The following KNG1 variants were observed in gnomAD, a reference collection of about 807,000 sequenced individuals.
KNG1 encodes the protein kininogen-1.
Under a neutral mutation model 47.8 loss-of-function variants are expected in KNG1, and 23 were observed. The observed-to-expected ratio is 0.48, with a 90% CI of 0.35 to 0.68. The LOEUF (loss-of-function observed/expected upper bound fraction) is 0.68, where lower values mean the gene tolerates loss of function less well. KNG1 is among the 30% of genes least tolerant of loss of function. The pLI is 0.01. For missense variants in KNG1, 762 were observed against 790.2 expected (o/e 0.96, Z 0.43); for synonymous variants, 277 against 277.0 (o/e 1.00, Z 0.00).
At chr3:186,733,761 G>C (rs1289581419) in intron 7 of KNG1, among the ~76,000 whole-genome samples, 2 of 152,140 alleles carry the variant, frequency 1.3e-5, no homozygotes, top group African/African-American at 4.8e-5. Flanking sequence ...CTGAGGTCAG[G>C]AGTTCGAGAC....
In KNG1 at chr3:186,741,911, A is replaced by C. The variant is rs1720824163; in HGVS notation, c.1515A>C (p.Lys505Asn). The change falls in exon 10 of 10, where the codon AAA becomes AAC. Residue 505 changes from lysine to asparagine, a missense_variant. Coordinates refer to ENST00000644859, the MANE Select transcript of KNG1 (RefSeq NM_001102416.3). ...ATAAGCATGGTCATGGCCACGGAAA[A>C]CATAAAAATAAAGGCAAAAAGAATG... ...HKHKHGHGHG[K>N]HKNKGKKNGK... is the part of the protein sequence containing the mutation. 6.2e-7 allele frequency: 1 copy of C among 1,614,074 alleles called. No individual in the cohort carries two copies. Among genetic ancestry groups the C allele is most frequent in the Non-Finnish European group, 8.5e-7 (1 of 1,180,042 alleles).
Position 186,741,718 on chromosome 3 carries a change from T to C in KNG1, c.1322T>C (p.Leu441Pro). The change falls in exon 10 of 10, where the codon CTT becomes CCT. Residue 441 changes from leucine to proline, a missense_variant. Transcript: ENST00000644859. ...CATGAAAAACAAAGAAAACATAATC[T>C]TGGCCATGGCCATAAACATGAACGT... is the stretch of plus-strand genomic sequence containing the variant. ...WGHEKQRKHN[L>P]GHGHKHERDQ... 2.5e-6 allele frequency: 4 copies of C among 1,614,154 alleles called. No individual in the cohort carries two copies. Among genetic ancestry groups the C allele is most frequent in the Non-Finnish European group, 3.4e-6 (4 of 1,180,000 alleles).
rs1720158134 is a variant in KNG1, at chr3:186,720,464, C to T, written c.306+249C>T. ...AGGGGGCTCTAGTGTCCAGCCAGAA[C>T]ATGTGGCTCAGACTCCAGAGAGATA... is the stretch of plus-strand genomic sequence containing the variant. On this transcript the variant is annotated intron_variant, in intron 2 of 9. Transcript: ENST00000644859. 1.9e-5 allele frequency: 9 copies of T among 484,584 alleles called. No individual in the cohort carries two copies. The South Asian group carries it at 2.0e-4, about 11-fold the overall frequency. The allele number at this position is 484,584 out of a possible 1,614,324, so 30.0% of individuals were successfully genotyped here. A position where few individuals can be genotyped will look rare whatever the true frequency, so the allele number is the denominator to read the frequency against.
At chr3:186,734,904 C>T (rs1265378551) in intron 7 of KNG1, 1 of 152,104 alleles carries the variant, frequency 6.6e-6, no homozygotes, top group Non-Finnish European at 1.5e-5. Context: ...AATAACACTA[C>T]TTTAATCTTT....
intron 5 of KNG1, among the ~76,000 whole-genome samples, chr3:186,730,499 C>T (rs955084773): frequency 6.6e-6 from 1 of 150,498 alleles, no homozygotes; most frequent in Non-Finnish European, 1.5e-5. Context: ...ACTAAAAATA[C>T]AAAAAAATTA....
Position 186,720,185 on chromosome 3 carries a change from G to A in KNG1, c.276G>A (p.Gln92=). ...DCPVQSGKTW[Q]DCEYKDAAKA... is the part of the protein sequence containing the mutation. ...CTGTTCAAAGTGGCAAAACCTGGCA[G>A]GACTGTGAGTACAAGGATGCTGCAA... Residue 92 remains glutamine, a synonymous_variant, in exon 2 of 10, where the codon CAG becomes CAA. Coordinates refer to ENST00000644859, the MANE Select transcript of KNG1 (RefSeq NM_001102416.3). The A allele has an allele frequency of 6.2e-7, 1 of 1,612,894 alleles. No homozygotes were observed. The highest frequency in any genetic ancestry group is 8.5e-7 in the Non-Finnish European group (1 of 1,178,938).
intron 9 of KNG1, among the ~76,000 whole-genome samples, 171 bp downstream of exon 9, chr3:186,739,585 G>A (rs748658281): frequency 1.9e-4 from 29 of 152,210 alleles, no homozygotes; most frequent in Non-Finnish European, 3.7e-4. Context: ...AGAAAGAAGA[G>A]TAACAATCCT....
chr3:186,737,078 T>A (rs1342137835), intron 7 of KNG1, among the ~76,000 whole-genome samples: 1 of 152,168 alleles, frequency 6.6e-6, no homozygotes, highest in Non-Finnish European at 1.5e-5. Context: ...GTTGAGGATC[T>A]TAATTTGAAT....
intron 7 of KNG1, among the ~76,000 whole-genome samples, chr3:186,735,444 A>G (rs1301575602): frequency 6.6e-6 from 1 of 151,826 alleles, no homozygotes; most frequent in African/African-American, 2.4e-5. Context: ...ATGGTGAAAA[A>G]CCATCTCTAC....
chr3:186,730,670 AAAAAAAAAAAAAAATATATATATATATAT>A (rs1560065827), intron 5 of KNG1, among the ~76,000 whole-genome samples: 31 of 68,282 alleles, frequency 4.5e-4, no homozygotes, highest in Middle Eastern at 0.01. Context: ...AAAAAAAAAA[AAAAAAAAAAAAAAATATATATATATATAT>A]ATATATATAT....
chr3:186,739,531 G>T, intron 9 of KNG1, 117 bp downstream of exon 9: 1 of 749,656 alleles, frequency 1.3e-6, no homozygotes, highest in South Asian at 1.5e-5. Context: ...TTTTTAAATG[G>T]GGAGTAACTC....
At chr3:186,723,770 T>C (rs1720272382) in intron 3 of KNG1, among the ~76,000 whole-genome samples, 1 of 151,990 alleles carries the variant, frequency 6.6e-6, no homozygotes, top group Non-Finnish European at 1.5e-5. Flanking sequence ...AGCCTCAGCC[T>C]CAGCCTCCTG....
rs1302266008 is a variant in KNG1 at position 186,743,851 on chromosome 3, A to T, written c.*1520A>T. ...CACCTCTGCCAGCAACCTTGAGAGG[A>T]AGGACAAGAAGAAAGATGGGATAGA... is the stretch of plus-strand genomic sequence containing the variant. On this transcript the variant is annotated 3_prime_UTR_variant, in exon 10 of 10. Coordinates refer to ENST00000644859, the MANE Select transcript of KNG1 (RefSeq NM_001102416.3). 13 of 1,074,190 alleles carry T rather than the reference A, an allele frequency of 1.2e-5. No individual in the cohort carries two copies. In the Admixed American group the frequency reaches 2.2e-4, roughly 18 times the overall value. The allele number at this position is 1,074,190 out of a possible 1,614,324, so 66.5% of individuals were successfully genotyped here.
intron 5 of KNG1, among the ~76,000 whole-genome samples, chr3:186,727,663 G>A (rs371902259): frequency 2.0e-5 from 3 of 151,854 alleles, no homozygotes; most frequent in East Asian, 1.9e-4. Context: ...CCTCCACCTC[G>A]CATGTTCAAG....
chr3:186,744,055 C>G lies in KNG1; in HGVS notation c.*1724C>G. On this transcript the variant is annotated 3_prime_UTR_variant, in exon 10 of 10. Coordinates refer to ENST00000644859, the MANE Select transcript of KNG1 (RefSeq NM_001102416.3). ...TGCCATGGAGGCTCATAACCCAACA[C>G]TGGAACATTCCCTAGCCAAGGCAGA... is the stretch of plus-strand genomic sequence containing the variant. 1 of 500,094 alleles carries G rather than the reference C, an allele frequency of 2.0e-6. No individual in the cohort carries two copies. The highest frequency in any genetic ancestry group is 2.1e-5 in the South Asian group (1 of 46,530). 31.0% of individuals were successfully genotyped at this position (500,094 alleles called of 1,614,324 possible).
chr3:186,742,646 C>A lies in KNG1; in HGVS notation c.*315C>A. 1 of 1,128,016 alleles carries A rather than the reference C, an allele frequency of 8.9e-7. No homozygotes were observed. Among genetic ancestry groups the A allele is most frequent in the African/African-American group, 1.6e-5 (1 of 62,082 alleles). The allele number at this position is 1,128,016 out of a possible 1,614,324, so 69.9% of individuals were successfully genotyped here. On this transcript the variant is annotated 3_prime_UTR_variant, in exon 10 of 10. Transcript: ENST00000644859. ...CTGATAACAAATATGTACCTTACAA[C>A]ATATGTCATGAATTTGCATACAAAG...
chr3:186,730,022 T>G (rs1720470810), intron 5 of KNG1, among the ~76,000 whole-genome samples: 2 of 138,830 alleles, frequency 1.4e-5, no homozygotes, highest in Admixed American at 6.7e-5. Flanking sequence ...TCTTTCTATT[T>G]GTTTGTTCTA....
At chr3:186,736,320 A>G (rs1160755281) in intron 7 of KNG1, 2 of 152,240 alleles carry the variant, frequency 1.3e-5, no homozygotes, top group African/African-American at 4.8e-5. Flanking sequence ...TCAATTAAAC[A>G]TATGATGAAT....
intron 7 of KNG1, among the ~76,000 whole-genome samples, chr3:186,737,048 A>G (rs1485247485): frequency 1.3e-5 from 2 of 152,226 alleles, no homozygotes; most frequent in South Asian, 4.2e-4. Flanking sequence ...GTCTCAAAAA[A>G]TAAAAGAAAA....
Sources: allele counts gnomAD v4.1 joint callset (sites outside exome capture counted in the v4.1 genomes callset), GRCh38; gene constraint gnomAD v4.1.1; transcripts MANE v1.5; gene names NCBI Gene and HGNC (gene_info 2026-07-23, HGNC 2026-07-21).